SEC24D: variants seen among roughly 807,000 people sequenced by gnomAD.
SEC24D encodes SEC24 homolog D, COPII component, also known as protein transport protein Sec24D.
SEC24D carries 69 observed loss-of-function variants against 116.9 expected under a neutral mutation model. That is an observed-to-expected ratio of 0.59 (90% CI 0.49 to 0.72). The LOEUF (loss-of-function observed/expected upper bound fraction) is 0.72, where lower values mean the gene tolerates loss of function less well. SEC24D is among the 30% of genes least tolerant of loss of function. The probability of loss-of-function intolerance (pLI) is 0.00; values close to 1 mark genes in which losing one functional copy is unlikely to be tolerated. For synonymous variants in SEC24D, 405 were observed against 442.8 expected, an observed-to-expected ratio of 0.91 and a Z score of 1.07; for missense variants, 1,131 against 1,264.1, an observed-to-expected ratio of 0.89 and a Z score of 1.60.
intron 7 of SEC24D, among the ~76,000 whole-genome samples, chr4:118,800,463 G>C (rs553719588): frequency 6.6e-6 from 1 of 152,180 alleles, no homozygotes; most frequent in African/African-American, 2.4e-5. Context: ...ACAGTTTTTA[G>C]GACAAACTGG....
intron 19 of SEC24D, chr4:118,736,611 G>T (rs1725973092): frequency 3.6e-6 from 1 of 274,350 alleles, no homozygotes; most frequent in Non-Finnish European, 7.1e-6. Flanking sequence ...TTTCTGAAGA[G>T]AACATTAAGT....
At chr4:118,761,834 G>A (rs1727392936) in intron 10 of SEC24D, among the ~76,000 whole-genome samples, 2 of 152,150 alleles carry the variant, frequency 1.3e-5, no homozygotes, top group Admixed American at 1.3e-4. Flanking sequence ...CAGCTCAAAT[G>A]TCACTTCCTC....
intron 7 of SEC24D, among the ~76,000 whole-genome samples, chr4:118,801,228 C>G (rs1729429141): frequency 1.3e-5 from 2 of 150,930 alleles, no homozygotes; most frequent in Admixed American, 1.3e-4. Flanking sequence ...CGCCACTGTA[C>G]TCCAGCCTGG....
chr4:118,789,737 A>G (rs766265701), intron 8 of SEC24D, among the ~76,000 whole-genome samples: 101 of 152,146 alleles, frequency 6.6e-4, no homozygotes, highest in Non-Finnish European at 1.2e-3. Context: ...GGCACGTGCC[A>G]CCATGCCAGG....
chr4:118,733,699 AATG>A (rs1725816975), intron 19 of SEC24D, among the ~76,000 whole-genome samples: 1 of 152,242 alleles, frequency 6.6e-6, no homozygotes, highest in East Asian at 1.9e-4. Flanking sequence ...GTCATTAATG[AATG>A]ATAACATGCA....
At chr4:118,812,956 TCCC>T (rs1338306304) in intron 6 of SEC24D, among the ~76,000 whole-genome samples, 1 of 151,948 alleles carries the variant, frequency 6.6e-6, no homozygotes, top group Non-Finnish European at 1.5e-5. Flanking sequence ...ATCTGTATCC[TCCC>T]CTAGAGATTT....
chr4:118,788,725 G>C (rs1218286070), intron 8 of SEC24D, among the ~76,000 whole-genome samples: 1 of 152,114 alleles, frequency 6.6e-6, no homozygotes, highest in Non-Finnish European at 1.5e-5. Flanking sequence ...TCCAAAGTAG[G>C]ATTTTAAAAA....
rs1297172933 is a variant in SEC24D at position 118,732,871 on chromosome 4, C to T, written c.2538G>A (p.Met846Ile). ...PDSMKVLPVY[M>I]NCLLKNCVLL... ...GTACACAGTTTTTCAACAAGCAATT[C>T]ATGTACACTGGCAATACTTTCATGG... Residue 846 changes from methionine (M) to isoleucine (I), a missense_variant, in exon 20 of 23, where the codon ATG (methionine) becomes ATA (isoleucine). Met to Ile is a conservative substitution (Grantham distance 10, BLOSUM62 1). Transcript: ENST00000280551. 1 of 1,613,942 alleles carries T rather than the reference C, an allele frequency of 6.2e-7. No individual in the cohort carries two copies. The highest frequency in any genetic ancestry group is 1.1e-5 in the South Asian group (1 of 91,030).
At chr4:118,754,349 C>G (rs1726977498) in intron 11 of SEC24D, among the ~76,000 whole-genome samples, 1 of 152,152 alleles carries the variant, frequency 6.6e-6, no homozygotes, top group African/African-American at 2.4e-5. Flanking sequence ...CCCCAACCCC[C>G]ACCCGATTCA....
rs569603974 is a variant in SEC24D at position 118,752,025 on chromosome 4, C to A, written c.1678G>T (p.Val560Phe). The A allele has an allele frequency of 6.2e-7, 1 of 1,613,100 alleles. No individual in the cohort carries two copies. Among genetic ancestry groups the A allele is most frequent in the South Asian group, 1.1e-5 (1 of 90,980 alleles). ...SNENETVFAP[V>F]IQAGMEALKA... ...AGTGCTTCCATGCCAGCCTGGATGA[C>A]AGGAGCAAAGACAGTCTCATTTTCA... The change falls in exon 13 of 23, where the codon GTC (valine) becomes TTC (phenylalanine). Residue 560 changes from valine to phenylalanine, a missense_variant. Val to Phe is a conservative substitution (Grantham distance 50). Transcript: ENST00000280551.
At chr4:118,801,344 T>G (rs1729436385) in intron 7 of SEC24D, among the ~76,000 whole-genome samples, 1 of 151,646 alleles carries the variant, frequency 6.6e-6, no homozygotes, top group Non-Finnish European at 1.5e-5. Flanking sequence ...CTGCCCAAAG[T>G]TAGATAGCTT....
chr4:118,792,300 C>G (rs1174974012), intron 8 of SEC24D, among the ~76,000 whole-genome samples: 1 of 148,552 alleles, frequency 6.7e-6, no homozygotes, highest in Non-Finnish European at 1.5e-5. Context: ...GCCAGCTGCC[C>G]CGTCCGGGAG....
At chr4:118,796,997 C>T (rs1578446144) in intron 8 of SEC24D, among the ~76,000 whole-genome samples, 1 of 152,120 alleles carries the variant, frequency 6.6e-6, no homozygotes, top group Non-Finnish European at 1.5e-5. Flanking sequence ...TGCTATAGTG[C>T]CTGTGTTTCT....
intron 6 of SEC24D, among the ~76,000 whole-genome samples, chr4:118,810,074 CTGTGTGTGTGTGTG>C (rs71595321): frequency 4.0e-3 from 156 of 38,616 alleles, no homozygotes; most frequent in Middle Eastern, 0.019. Flanking sequence ...TCAGAGGTAG[CTGTGTGTGTGTGTG>C]TGTGTGTGTG....
rs115446044 is a variant in SEC24D, at chr4:118,833,480, T to C, written c.118+99A>G. 0.051 allele frequency: 40,355 copies of C among 789,030 alleles called. 1,423 individuals carry two copies. Among genetic ancestry groups the C allele is most frequent in the Non-Finnish European group, 0.064 (30,783 of 480,250 alleles). The allele number at this position is 789,030 out of a possible 1,614,324, so 48.9% of individuals were successfully genotyped here. On this transcript the variant is annotated intron_variant, in intron 2 of 22. Coordinates refer to ENST00000280551, the MANE Select transcript of SEC24D (RefSeq NM_014822.4). ...AATCTCAAGCCATTTCATTATATAA[T>C]GATCATTCAATGCTTTCAAATCTCC...
At chr4:118,782,905 G>A (rs1312525385) in intron 8 of SEC24D, among the ~76,000 whole-genome samples, 3 of 152,210 alleles carry the variant, frequency 2.0e-5, no homozygotes, top group Non-Finnish European at 2.9e-5. Flanking sequence ...GGGACCCACC[G>A]AGTCAGGCAT....
intron 8 of SEC24D, among the ~76,000 whole-genome samples, chr4:118,791,056 A>C (rs1000351442): frequency 1.3e-5 from 2 of 152,064 alleles, no homozygotes; most frequent in Non-Finnish European, 2.9e-5. Context: ...GAGATTATAA[A>C]TATCTAAAAT....
chr4:118,788,910 AT>A (rs1161140018), intron 8 of SEC24D, among the ~76,000 whole-genome samples: 2 of 152,198 alleles, frequency 1.3e-5, no homozygotes, highest in Non-Finnish European at 1.5e-5. Flanking sequence ...AGAAGAGTGC[AT>A]TTATTCAACT....
intron 7 of SEC24D, among the ~76,000 whole-genome samples, chr4:118,804,414 C>G (rs905780251): frequency 1.3e-5 from 2 of 151,892 alleles, no homozygotes; most frequent in African/African-American, 4.8e-5. Flanking sequence ...AATTGTAAAG[C>G]AAGAAACAGG....
Sources: allele counts gnomAD v4.1 joint callset (sites outside exome capture counted in the v4.1 genomes callset), GRCh38; gene constraint gnomAD v4.1.1; transcripts MANE v1.5; gene names NCBI Gene and HGNC (gene_info 2026-07-23, HGNC 2026-07-21).